Variants in ATL1 observed in about 807,000 individuals in gnomAD.
ATL1 encodes the protein atlastin GTPase 1.
ATL1 carries 31 observed loss-of-function variants against 75.5 expected under a neutral mutation model. The ratio of observed to expected loss-of-function variants is 0.41; its 90% CI spans 0.31 to 0.55. The LOEUF (loss-of-function observed/expected upper bound fraction) is 0.55. Among genes scored for constraint, ATL1 ranks in the 20% least tolerant of loss-of-function variants. The probability of loss-of-function intolerance (pLI) is 0.27; values close to 1 mark genes in which losing one functional copy is unlikely to be tolerated. For synonymous variants in ATL1, 226 were observed against 233.3 expected (o/e 0.97, Z 0.28); for missense variants, 405 against 662.6 (o/e 0.61, Z 4.27).
intron 1 of ATL1, among the ~76,000 whole-genome samples, chr14:50,550,256 A>C (rs1280177340): frequency 6.6e-6 from 1 of 152,232 alleles, no homozygotes; most frequent in Non-Finnish European, 1.5e-5. Context: ...TGGTACTGTA[A>C]GCCAGAACTG....
intron 1 of ATL1, among the ~76,000 whole-genome samples, chr14:50,563,899 A>G (rs2038875837): frequency 6.6e-6 from 1 of 152,230 alleles, no homozygotes; most frequent in South Asian, 2.1e-4. Context: ...TGAATGTATA[A>G]GAGATCTGAG....
At chr14:50,593,624 T>C (rs1447490870) in intron 4 of ATL1, among the ~76,000 whole-genome samples, 1 of 152,206 alleles carries the variant, frequency 6.6e-6, no homozygotes, top group African/African-American at 2.4e-5. Flanking sequence ...CCAGAGCAGG[T>C]GACTACTGTA....
At chr14:50,549,792 A>G (rs115900617) in intron 1 of ATL1, among the ~76,000 whole-genome samples, 1 of 152,210 alleles carries the variant, frequency 6.6e-6, no homozygotes, top group East Asian at 1.9e-4. Flanking sequence ...TAAAAACCCA[A>G]TTACATGCAC....
intron 6 of ATL1, among the ~76,000 whole-genome samples, chr14:50,610,142 T>G (rs2039350374): frequency 6.6e-6 from 1 of 151,984 alleles, no homozygotes; most frequent in Non-Finnish European, 1.5e-5. Flanking sequence ...ACAATAAATG[T>G]AATAGAGGAA....
chr14:50,624,503 A>C (rs544793817), intron 11 of ATL1, among the ~76,000 whole-genome samples: 20 of 152,134 alleles, frequency 1.3e-4, no homozygotes, highest in African/African-American at 3.9e-4. Context: ...CTGCTCCATC[A>C]ACCAGCAGTT....
chr14:50,565,500 C>A (rs1306872403), intron 1 of ATL1, among the ~76,000 whole-genome samples: 4 of 136,222 alleles, frequency 2.9e-5, no homozygotes, highest in African/African-American at 1.1e-4. Flanking sequence ...AAAAAAAATT[C>A]TACTGGGTCA....
intron 2 of ATL1, among the ~76,000 whole-genome samples, chr14:50,590,720 CTT>C (rs2039147884): frequency 6.6e-6 from 1 of 152,066 alleles, no homozygotes; most frequent in Non-Finnish European, 1.5e-5. Flanking sequence ...GCAATGATAT[CTT>C]TTCATTTTTA....
intron 1 of ATL1, among the ~76,000 whole-genome samples, chr14:50,552,559 C>T (rs2038715784): frequency 6.6e-6 from 1 of 152,048 alleles, no homozygotes; most frequent in Non-Finnish European, 1.5e-5. Flanking sequence ...ATAGCCAAAG[C>T]AGTAATAAGA....
chr14:50,619,667 C>T (rs959503980), intron 8 of ATL1, among the ~76,000 whole-genome samples: 2 of 152,302 alleles, frequency 1.3e-5, no homozygotes, highest in Admixed American at 6.5e-5. Context: ...TCAAACATGA[C>T]AACTACATAC....
chr14:50,628,856 A>G (rs2039549301), intron 12 of ATL1, among the ~76,000 whole-genome samples: 1 of 152,130 alleles, frequency 6.6e-6, no homozygotes, highest in Non-Finnish European at 1.5e-5. Context: ...AGATGGGACT[A>G]CAGGTGCATA....
intron 1 of ATL1, among the ~76,000 whole-genome samples, chr14:50,536,427 ACT>A (rs2038493253): frequency 8.2e-6 from 1 of 121,620 alleles, no homozygotes; most frequent in East Asian, 2.3e-4. Flanking sequence ...CAAGAGCAAA[ACT>A]CTGTCTCAAA....
At chr14:50,572,569 CT>C (rs1462910343) in intron 1 of ATL1, among the ~76,000 whole-genome samples, 5 of 151,786 alleles carry the variant, frequency 3.3e-5, no homozygotes, top group Admixed American at 3.3e-4. Context: ...GTGATTTCTC[CT>C]TTTTTCTTTT....
At chr14:50,608,149 G>A (rs1345292208) in intron 6 of ATL1, among the ~76,000 whole-genome samples, 1 of 152,016 alleles carries the variant, frequency 6.6e-6, no homozygotes, top group Non-Finnish European at 1.5e-5. Context: ...GTTTTTATCT[G>A]AGCAAATTAG....
chr14:50,618,728 T>G (rs2039436926), intron 8 of ATL1, among the ~76,000 whole-genome samples: 1 of 152,130 alleles, frequency 6.6e-6, no homozygotes, highest in Admixed American at 6.6e-5. Context: ...GCCTGAAAAC[T>G]CTAACTCTGC....
At chr14:50,627,547 A>T (rs1166587365) in intron 11 of ATL1, among the ~76,000 whole-genome samples, 1 of 152,256 alleles carries the variant, frequency 6.6e-6, no homozygotes, top group African/African-American at 2.4e-5. Flanking sequence ...GCTCCATTCA[A>T]ATAAAAATCA....
At chr14:50,567,304 T>C (rs2038913585) in intron 1 of ATL1, among the ~76,000 whole-genome samples, 1 of 152,230 alleles carries the variant, frequency 6.6e-6, no homozygotes, top group Non-Finnish European at 1.5e-5. Context: ...ACTTCCTTCT[T>C]TTTTAAGGCT....
At chr14:50,577,335 T>C (rs377027581) in intron 1 of ATL1, among the ~76,000 whole-genome samples, 3 of 152,272 alleles carry the variant, frequency 2.0e-5, no homozygotes, top group South Asian at 4.1e-4. Flanking sequence ...AGTGCTGGGG[T>C]TACAGGCCTG....
At position 50,592,846 on chromosome 14, in the gene ATL1, G is replaced by A. The variant is rs1216783344; in HGVS notation, c.523-1000G>A. 8.1e-5 allele frequency among the ~76,000 whole-genome samples: 12 copies of A among 147,734 alleles called. No homozygotes were observed. The East Asian group carries it at 2.4e-3, about 29-fold the overall frequency. ...GAATGGCGTGAACCCAGGAGGCAGAGCACTTGCAGTGAGCCGAGATTGCGC... is the reference window on the plus strand; with the variant it reads ...GAATGGCGTGAACCCAGGAGGCAGAACACTTGCAGTGAGCCGAGATTGCGC... On this transcript the variant is annotated intron_variant, in intron 4 of 13. Transcript: ENST00000358385.
intron 1 of ATL1, among the ~76,000 whole-genome samples, chr14:50,570,321 CTG>C (rs1221551414): frequency 6.6e-6 from 1 of 152,110 alleles, no homozygotes; most frequent in Non-Finnish European, 1.5e-5. Context: ...CTGCTCAAAT[CTG>C]TCTCTGACTA....
Sources: allele counts gnomAD v4.1 joint callset (sites outside exome capture counted in the v4.1 genomes callset), GRCh38; gene constraint gnomAD v4.1.1; transcripts MANE v1.5; gene names NCBI Gene and HGNC (gene_info 2026-07-23, HGNC 2026-07-21).